The following SEC14L5 variants were observed in gnomAD, a reference collection of about 807,000 sequenced individuals.
SEC14L5 encodes SEC14-like protein 5.
A neutral mutation model predicts 84.6 loss-of-function variants in SEC14L5; 96 were observed. That is an observed-to-expected ratio of 1.13 (90% confidence interval 0.96 to 1.34). SEC14L5 has a LOEUF of 1.34. Among genes scored for constraint, SEC14L5 ranks in the 40% most tolerant of loss-of-function variants. The probability of loss-of-function intolerance (pLI) is 0.00; values close to 1 mark genes in which losing one functional copy is unlikely to be tolerated. For missense variants in SEC14L5, 1,224 were observed against 942.5 expected (o/e 1.30, Z -3.91); for synonymous variants, 546 against 383.4 (o/e 1.42, Z -4.95).
intron 11 of SEC14L5, among the ~76,000 whole-genome samples, chr16:5,005,272 G>A (rs1306830998): frequency 2.0e-5 from 3 of 152,106 alleles, no homozygotes; most frequent in East Asian, 1.9e-4. Context: ...CCAAGATTGC[G>A]CCATTGCACT....
chr16:4,969,036 C>T (rs762990734), intron 2 of SEC14L5, among the ~76,000 whole-genome samples: 16 of 152,212 alleles, frequency 1.1e-4, no homozygotes, highest in South Asian at 6.2e-4. Context: ...GCGGCCGGGG[C>T]CTTATTTAAA....
chr16:4,987,254 C>T (rs1325100460), intron 2 of SEC14L5, among the ~76,000 whole-genome samples: 1 of 143,418 alleles, frequency 7.0e-6, no homozygotes, highest in Admixed American at 7.2e-5. Flanking sequence ...AAATGCTTTT[C>T]CTGAGAAATA....
intron 2 of SEC14L5, among the ~76,000 whole-genome samples, chr16:4,964,124 T>C (rs567439720): frequency 6.6e-6 from 1 of 152,280 alleles, no homozygotes; most frequent in Non-Finnish European, 1.5e-5. Context: ...CGTCAGTCCT[T>C]TGAATGCCCG....
chr16:4,959,410 C>T, intron 2 of SEC14L5, 24 bp downstream of exon 2: 1 of 1,607,138 alleles, frequency 6.2e-7, no homozygotes, highest in Admixed American at 1.7e-5. Flanking sequence ...GATTCTTGGG[C>T]CCCCATGTGA....
In SEC14L5 at chr16:5,003,410, C is replaced by G. The variant is rs760524923; in HGVS notation, c.1139C>G (p.Thr380Ser). ...RQLGRPISSW[T>S]CLLDLEGLNM... is the part of the protein sequence containing the mutation. ...GGCTATTTCTGCCACAGCTCCTGGA[C>G]CTGCCTGCTAGACCTGGAGGGACTC... The change falls in exon 11 of 16, where the codon ACC (threonine) becomes AGC (serine). Residue 380 changes from threonine (T) to serine (S), a missense_variant. Physicochemically the swap from Thr to Ser is moderately conservative, Grantham distance 58. Coordinates refer to ENST00000251170, the MANE Select transcript of SEC14L5 (RefSeq NM_014692.2). 1 of 1,612,844 alleles carries G rather than the reference C, an allele frequency of 6.2e-7. No homozygotes were observed. Among genetic ancestry groups the G allele is most frequent in the African/African-American group, 1.3e-5 (1 of 75,056 alleles).
intron 6 of SEC14L5, 44 bp from the exon 7 acceptor site, chr16:4,996,304 G>T (rs769759364): frequency 6.1e-6 from 7 of 1,146,332 alleles, no homozygotes; most frequent in African/African-American, 1.5e-5. Context: ...GTAAAGAGAC[G>T]CAGCGTCTCC....
intron 2 of SEC14L5, among the ~76,000 whole-genome samples, chr16:4,963,486 C>T (rs1415461174): frequency 6.6e-6 from 1 of 152,188 alleles, no homozygotes; most frequent in Non-Finnish European, 1.5e-5. Context: ...GCTGAGATTA[C>T]AGGCATGTGC....
At chr16:4,959,508 G>C in intron 2 of SEC14L5, 122 bp downstream of exon 2, 1 of 839,660 alleles carries the variant, frequency 1.2e-6, no homozygotes, top group Admixed American at 2.0e-5. Flanking sequence ...GAGTTACTCA[G>C]CTGACCTGGT....
At chr16:4,962,517 G>T (rs138121936) in intron 2 of SEC14L5, among the ~76,000 whole-genome samples, 10 of 152,132 alleles carry the variant, frequency 6.6e-5, no homozygotes, top group African/African-American at 2.4e-4. Flanking sequence ...GTAAAACCTT[G>T]TCTCTACTAA....
intron 2 of SEC14L5, among the ~76,000 whole-genome samples, chr16:4,985,674 C>A (rs1955478162): frequency 6.6e-6 from 1 of 152,006 alleles, no homozygotes. Context: ...ATGCTAAATT[C>A]TTTTCCACTG....
intron 8 of SEC14L5, among the ~76,000 whole-genome samples, 175 bp downstream of exon 8, chr16:4,997,219 C>G (rs551770211): frequency 2.3e-4 from 35 of 152,330 alleles, no homozygotes; most frequent in African/African-American, 7.9e-4. Flanking sequence ...CTGCCTCAGC[C>G]TCCCCAGCAG....
At chr16:4,965,586 G>T (rs1204054634) in intron 2 of SEC14L5, among the ~76,000 whole-genome samples, 1 of 137,266 alleles carries the variant, frequency 7.3e-6, no homozygotes, top group South Asian at 2.4e-4. Context: ...GTGTGAAACC[G>T]GGAGGCGGAG....
intron 2 of SEC14L5, among the ~76,000 whole-genome samples, chr16:4,962,771 C>T (rs1405814196): frequency 1.3e-5 from 2 of 151,808 alleles, no homozygotes; most frequent in Non-Finnish European, 2.9e-5. Context: ...CTGCCACAAC[C>T]CTGTCATTCT....
chr16:4,977,579 G>A (rs567418491), intron 2 of SEC14L5, among the ~76,000 whole-genome samples: 3 of 151,818 alleles, frequency 2.0e-5, no homozygotes, highest in Non-Finnish European at 4.4e-5. Context: ...GACCTCAACT[G>A]TGATGAGCTC....
At chr16:4,985,518 G>A (rs532424609) in intron 2 of SEC14L5, among the ~76,000 whole-genome samples, 13 of 152,214 alleles carry the variant, frequency 8.5e-5, no homozygotes, top group East Asian at 7.7e-4. Context: ...GTGAGCCACC[G>A]CGCCCGGCTC....
intron 15 of SEC14L5, 88 bp downstream of exon 15, chr16:5,011,361 G>C: frequency 7.2e-7 from 1 of 1,380,154 alleles, no homozygotes; most frequent in Non-Finnish European, 1.0e-6. Context: ...TCTCCCAGCT[G>C]GGTCAGCTTC....
rs577991769 is a variant in SEC14L5 at position 5,008,831 on chromosome 16, A to G, written c.1800+183A>G. Reference sequence around the variant, plus strand: ...ATGTAATGAAGTGCTCACCTGCCCAATGGCAGCCGGTGCAAAATCGAGAAA... The same window carrying G: ...ATGTAATGAAGTGCTCACCTGCCCAGTGGCAGCCGGTGCAAAATCGAGAAA... On this transcript the variant is annotated intron_variant, in intron 14 of 15. Coordinates refer to ENST00000251170, the MANE Select transcript of SEC14L5 (RefSeq NM_014692.2). Among the ~76,000 whole-genome samples, 17 of 152,330 alleles carry G rather than the reference A, an allele frequency of 1.1e-4. No individual in the cohort carries two copies. In the South Asian group the frequency reaches 2.5e-3, roughly 22 times the overall value.
Position 4,988,146 on chromosome 16 carries a change from C to A in SEC14L5, c.214-3C>A, listed in dbSNP as rs1955514159. ...CTCCGCCTCCCCGCCCCTTCCCTTG[C>A]AGATCGCAGGTGTTGAGCACGTGGT... On this transcript the variant is annotated splice_region_variant and splice_polypyrimidine_tract_variant and intron_variant, in intron 3 of 15. Coordinates refer to ENST00000251170, the MANE Select transcript of SEC14L5 (RefSeq NM_014692.2). 1 of 1,606,152 alleles carries A rather than the reference C, an allele frequency of 6.2e-7. No homozygotes were observed. Among genetic ancestry groups the A allele is most frequent in the Non-Finnish European group, 8.5e-7 (1 of 1,174,928 alleles).
chr16:5,008,474 C>T lies in SEC14L5; in HGVS notation c.1626C>T (p.Ile542=), dbSNP rs767935209. ...CGGTCATCACCTGGGACTTTGACAT[C>T]CTGCGAGGGGACGTGGTGTTCAGCC... ...GESVITWDFD[I]LRGDVVFSLY... Residue 542 remains isoleucine, a synonymous_variant, in exon 14 of 16, where the codon ATC becomes ATT. Coordinates refer to ENST00000251170, the MANE Select transcript of SEC14L5 (RefSeq NM_014692.2). 6.2e-7 allele frequency: 1 copy of T among 1,613,594 alleles called. No individual in the cohort carries two copies.
Sources: gnomAD v4.1 joint callset for allele counts (sites outside exome capture counted in the v4.1 genomes callset) on GRCh38, gnomAD v4.1.1 for gene constraint, MANE v1.5 for transcripts, NCBI Gene and HGNC (gene_info 2026-07-23, HGNC 2026-07-21) for gene names.